The following LGALS8 variants were observed in gnomAD, a reference collection of about 807,000 sequenced individuals.
The protein encoded by LGALS8 is galectin-8.
LGALS8 carries 30 observed loss-of-function variants against 35.9 expected under a neutral mutation model. The observed-to-expected ratio is 0.83, with a 90% confidence interval of 0.62 to 1.13. The LOEUF (loss-of-function observed/expected upper bound fraction) is 1.13. Ranked by LOEUF, LGALS8 falls within the 50% of genes most tolerant of loss-of-function variation. The pLI is 0.00. For missense variants in LGALS8, 366 were observed against 388.7 expected (o/e 0.94, Z 0.49); for synonymous variants, 138 against 136.1 (o/e 1.01, Z -0.10).
chr1:236,526,078 T>C lies in LGALS8; in HGVS notation c.8T>C (p.Leu3Ser). 1 of 1,612,406 alleles carries C rather than the reference T, an allele frequency of 6.2e-7. No individual in the cohort carries two copies. The highest frequency in any genetic ancestry group is 8.5e-7 in the Non-Finnish European group (1 of 1,178,772). Residue 3 changes from leucine (L) to serine (S), a missense_variant, in exon 2 of 10, where the codon TTG (leucine) becomes TCG (serine). By Grantham distance (145) the Leu-to-Ser change is moderately radical (BLOSUM62 -2). Coordinates refer to ENST00000366584, the MANE Select transcript of LGALS8 (RefSeq NM_201544.4). This position sits in a 1 kb window ranked among gnomAD's most constrained non-coding sequence, Gnocchi z 4.6. The part of the protein sequence containing the change: MM[L>S]SLNNLQNIIY... ...ACAAGAAGCTGGAAAAGAATGATGT[T>C]GTCCTTAAACAACCTACAGAATATC... is the stretch of plus-strand genomic sequence containing the variant.
At position 236,540,694 on chromosome 1, in the gene LGALS8, T is replaced by C. The variant is rs747655810; in HGVS notation, c.465+11T>C. Reference sequence around the variant, plus strand: ...TTTAGCTTCAGCTCGGTGAGTGACCTTCCACAGCTTGGGGTCTTTTATGAG... The same window carrying C: ...TTTAGCTTCAGCTCGGTGAGTGACCCTCCACAGCTTGGGGTCTTTTATGAG... On this transcript the variant is annotated intron_variant, in intron 5 of 9. Coordinates refer to ENST00000366584, the MANE Select transcript of LGALS8 (RefSeq NM_201544.4). 3.1e-6 allele frequency: 5 copies of C among 1,597,172 alleles called. No individual in the cohort carries two copies. The highest frequency in any genetic ancestry group is 4.3e-6 in the Non-Finnish European group (5 of 1,172,188).
chr1:236,550,741 C>G lies in LGALS8; in HGVS notation c.*2580C>G. 1 of 573,998 alleles carries G rather than the reference C, an allele frequency of 1.7e-6. No homozygotes were observed. Among genetic ancestry groups the G allele is most frequent in the Non-Finnish European group, 3.0e-6 (1 of 329,880 alleles). 35.6% of individuals were successfully genotyped at this position (573,998 alleles called of 1,614,324 possible). A position where few individuals can be genotyped will look rare whatever the true frequency, so the allele number is the denominator to read the frequency against. On this transcript the variant is annotated 3_prime_UTR_variant, in exon 10 of 10. Transcript: ENST00000366584. ...GGCAGGAGAGGCTTATGTGGCAGCA[C>G]AAGCCAGGTGGGGATTTTGTAAAGA...
At position 236,526,792 on chromosome 1, in the gene LGALS8, G is replaced by T. The variant is rs1026932903; in HGVS notation, c.45+677G>T. On this transcript the variant is annotated intron_variant, in intron 2 of 9. Transcript: ENST00000366584. The surrounding 1 kb of genome is among the most constrained non-coding windows in gnomAD (Gnocchi z 4.6). ...AGGACAGCCACTTTTTTAGTAAACC[G>T]CCTAGAAGATTCTTGGGCAAAAGGA... Among the ~76,000 whole-genome samples, 2 of 152,162 alleles carry T rather than the reference G, an allele frequency of 1.3e-5. No individual in the cohort carries two copies. The highest frequency in any genetic ancestry group is 4.8e-5 in the African/African-American group (2 of 41,446).
intron 2 of LGALS8, 91 bp from the exon 3 acceptor site, chr1:236,537,405 GT>G (rs1661606377): frequency 2.5e-6 from 2 of 788,196 alleles, no homozygotes. Context: ...AAAAAGTGTA[GT>G]TTTTCTCTAT....
chr1:236,543,210 G>GTT, intron 7 of LGALS8: 1 of 656,922 alleles, frequency 1.5e-6, no homozygotes, highest in Non-Finnish European at 2.7e-6. Context: ...CCATTCCTGT[G>GTT]TATTTCCTCA....
Position 236,524,045 on chromosome 1 carries a change from G to A in LGALS8, c.-120G>A, listed in dbSNP as rs1337088770. On this transcript the variant is annotated 5_prime_UTR_variant, in exon 1 of 10. Coordinates refer to ENST00000366584, the MANE Select transcript of LGALS8 (RefSeq NM_201544.4). ...AAACAACCTGCTCCGTGGAGCGCCT[G>A]AAACACCAGTCTTTGGGTGAGTCGC... 4.4e-6 allele frequency: 2 copies of A among 450,836 alleles called. No homozygotes were observed. Among genetic ancestry groups the A allele is most frequent in the Non-Finnish European group, 8.9e-6 (2 of 224,632 alleles). The allele number at this position is 450,836 out of a possible 1,614,324, so 27.9% of individuals were successfully genotyped here. A position where few individuals can be genotyped will look rare whatever the true frequency, so the allele number is the denominator to read the frequency against.
At chr1:236,536,517 G>A (rs931401882) in intron 2 of LGALS8, 1 of 152,324 alleles carries the variant, frequency 6.6e-6, no homozygotes, top group Non-Finnish European at 1.5e-5. Flanking sequence ...GGAGCCAGCT[G>A]TCAGAGTCCA....
chr1:236,521,508 A>G (rs1374447166), upstream of LGALS8, among the ~76,000 whole-genome samples: 1 of 152,158 alleles, frequency 6.6e-6, no homozygotes, highest in Non-Finnish European at 1.5e-5. Flanking sequence ...TAAGAACTGG[A>G]TCTTTACTCA....
intron 3 of LGALS8, 73 bp from the exon 4 acceptor site, chr1:236,538,806 G>A (rs1167290431): frequency 9.8e-7 from 1 of 1,021,854 alleles, no homozygotes; most frequent in Non-Finnish European, 1.6e-6. Flanking sequence ...CTGGAGTGTA[G>A]TGCCTGCTGG....
chr1:236,543,442 C>A, intron 7 of LGALS8, 118 bp from the exon 8 acceptor site: 1 of 807,992 alleles, frequency 1.2e-6, no homozygotes, highest in Non-Finnish European at 2.1e-6. Flanking sequence ...CTGTCTCTCC[C>A]CTCCTGGGAT....
chr1:236,539,428 G>A (rs72632866), intron 4 of LGALS8, among the ~76,000 whole-genome samples: 92,607 of 151,720 alleles, frequency 0.61, 29,138 homozygotes, highest in Non-Finnish European at 0.69. Flanking sequence ...CACCCGAAGA[G>A]CTAACAAGGG....
Position 236,548,460 on chromosome 1 carries a change from T to C in LGALS8, c.*299T>C. ...AGTATTTATGGAGTACCTACTATAA[T>C]ACAGTAGCTAACATGTATTGAGCAC... On this transcript the variant is annotated 3_prime_UTR_variant, in exon 10 of 10. Coordinates refer to ENST00000366584, the MANE Select transcript of LGALS8 (RefSeq NM_201544.4). 2.7e-6 allele frequency: 1 copy of C among 368,538 alleles called. No individual in the cohort carries two copies. Among genetic ancestry groups the C allele is most frequent in the South Asian group, 4.1e-5 (1 of 24,300 alleles). 22.8% of individuals were successfully genotyped at this position (368,538 alleles called of 1,614,324 possible). A position where few individuals can be genotyped will look rare whatever the true frequency, so the allele number is the denominator to read the frequency against.
chr1:236,537,021 C>CTTTTTTTTGTTTTT lies in LGALS8; in HGVS notation c.46-468_46-467insGTTTTTTTTTTTTT, dbSNP rs562338325. On this transcript the variant is annotated intron_variant, in intron 2 of 9. Coordinates refer to ENST00000366584, the MANE Select transcript of LGALS8 (RefSeq NM_201544.4). Reference sequence around the variant, plus strand: ...ATCCTGGCCATGAGGTATGCAGTTCCTTTTTTTTTTTTTGAGACGGAGCCT... The same window carrying CTTTTTTTTGTTTTT: ...ATCCTGGCCATGAGGTATGCAGTTCCTTTTTTTTGTTTTTTTTTTTTTTTTTTGAGACGGAGCCT... Among the ~76,000 whole-genome samples, 56 of 137,860 alleles carry CTTTTTTTTGTTTTT rather than the reference C, an allele frequency of 4.1e-4. 4 individuals carry two copies. The highest frequency in any genetic ancestry group is 6.1e-4 in the Non-Finnish European group (40 of 65,922). The allele number at this position is 137,860 out of a possible 152,430, so 90.4% of individuals were successfully genotyped here. A position where few individuals can be genotyped will look rare whatever the true frequency, so the allele number is the denominator to read the frequency against.
chr1:236,526,133 G>T lies in LGALS8; in HGVS notation c.45+18G>T, dbSNP rs1002067308. On this transcript the variant is annotated intron_variant, in intron 2 of 9. Transcript: ENST00000366584. The surrounding 1 kb of genome is among the most constrained non-coding windows in gnomAD (Gnocchi z 4.6). The stretch of plus-strand genomic sequence containing the variant: ...ATAACCCGGTAACTGATTTCTATAA[G>T]ATAACTTTTTACCTATGCCAGGACA... The T allele has an allele frequency of 3.2e-6, 5 of 1,569,998 alleles. No individual in the cohort carries two copies. Among genetic ancestry groups the T allele is most frequent in the South Asian group, 1.1e-5 (1 of 90,104 alleles).
intron 2 of LGALS8, among the ~76,000 whole-genome samples, chr1:236,529,439 G>A (rs868181798): frequency 4.6e-5 from 7 of 151,774 alleles, no homozygotes; most frequent in Non-Finnish European, 7.4e-5. Flanking sequence ...AAAATTAGCC[G>A]GGCATGGTGG....
At chr1:236,521,406 C>T (rs1043715923), upstream of LGALS8, among the ~76,000 whole-genome samples, 5 of 152,060 alleles carry the variant, frequency 3.3e-5, no homozygotes, top group African/African-American at 7.2e-5. Flanking sequence ...ATAGCAAAGT[C>T]GCTGTGGCTG....
Position 236,548,248 on chromosome 1 carries a change from ATTG to A in LGALS8, c.*90_*92del. 8.6e-7 allele frequency: 1 copy of A among 1,160,024 alleles called. No homozygotes were observed. The highest frequency in any genetic ancestry group is 1.2e-6 in the Non-Finnish European group (1 of 810,144). The allele number at this position is 1,160,024 out of a possible 1,614,324, so 71.9% of individuals were successfully genotyped here. A position where few individuals can be genotyped will look rare whatever the true frequency, so the allele number is the denominator to read the frequency against. On this transcript the variant is annotated 3_prime_UTR_variant, in exon 10 of 10. Coordinates refer to ENST00000366584, the MANE Select transcript of LGALS8 (RefSeq NM_201544.4). ...CTGAAACGCATCTCACTGTCATTCTATTGTTTATATTGTTAAAATGAGCTTGTG... is the reference window on the plus strand; with the variant it reads ...CTGAAACGCATCTCACTGTCATTCTATTTATATTGTTAAAATGAGCTTGTG...
upstream of LGALS8, among the ~76,000 whole-genome samples, chr1:236,519,390 CA>C (rs777309791): frequency 0.013 from 1,556 of 120,136 alleles, 11 homozygotes; most frequent in African/African-American, 0.035. Flanking sequence ...GACTCTGTCT[CA>C]AAAAAAAAAA....
chr1:236,529,972 G>C (rs750321218), intron 2 of LGALS8, among the ~76,000 whole-genome samples: 5 of 152,138 alleles, frequency 3.3e-5, no homozygotes, highest in Non-Finnish European at 7.4e-5. Flanking sequence ...TCTTTCTATT[G>C]AATTTGAATG....
Sources: gnomAD v4.1 joint callset for allele counts (sites outside exome capture counted in the v4.1 genomes callset) on GRCh38, gnomAD v4.1.1 for gene constraint, Gnocchi (gnomAD v3.1) non-coding constraint, MANE v1.5 for transcripts, NCBI Gene and HGNC (gene_info 2026-07-23, HGNC 2026-07-21) for gene names.